EFCAB5: variants seen among roughly 807,000 people sequenced by gnomAD.
EFCAB5 encodes the protein EF-hand calcium-binding domain-containing protein 5.
Under a neutral mutation model 167.9 loss-of-function variants are expected in EFCAB5, and 131 were observed. That is an observed-to-expected ratio of 0.78 (90% CI 0.68 to 0.90). The LOEUF (loss-of-function observed/expected upper bound fraction) is 0.90, where lower values mean the gene tolerates loss of function less well. Ranked by LOEUF, EFCAB5 falls within the 40% of genes least tolerant of loss-of-function variation. The probability of loss-of-function intolerance (pLI) is 0.00; values close to 1 mark genes in which losing one functional copy is unlikely to be tolerated. For missense variants in EFCAB5, 1,663 were observed against 1,745.2 expected, an observed-to-expected ratio of 0.95 and a Z score of 0.84; for synonymous variants, 574 against 602.8, an observed-to-expected ratio of 0.95 and a Z score of 0.70.
intron 10 of EFCAB5, among the ~76,000 whole-genome samples, chr17:30,054,652 C>T (rs2070202231): frequency 6.6e-6 from 1 of 152,182 alleles, no homozygotes; most frequent in African/African-American, 2.4e-5. Flanking sequence ...AGTAGTTCCC[C>T]CTTATCCATG....
intron 3 of EFCAB5, among the ~76,000 whole-genome samples, chr17:29,945,219 G>A (rs972657169): frequency 9.9e-5 from 15 of 151,834 alleles, no homozygotes; most frequent in South Asian, 2.1e-4. Context: ...TTTAGTATAC[G>A]CTAGGCTGAG....
At chr17:30,082,746 GCCCTT>G (rs1293221100) in intron 17 of EFCAB5, 140 bp from the exon 18 acceptor site, 1 of 833,676 alleles carries the variant, frequency 1.2e-6, no homozygotes, top group African/African-American at 1.8e-5. Flanking sequence ...CTGGAACACT[GCCCTT>G]TGAGGACTGC....
Position 30,056,068 on chromosome 17 carries a change from A to AT in EFCAB5, c.2283dup (p.Thr762TyrfsTer3). 1 of 1,612,884 alleles carries AT rather than the reference A, an allele frequency of 6.2e-7. No homozygotes were observed. The highest frequency in any genetic ancestry group is 8.5e-7 in the Non-Finnish European group (1 of 1,179,306). On this transcript the variant is annotated frameshift_variant, in exon 12 of 23. Transcript: ENST00000394835. LOFTEE classifies it high-confidence loss of function. ...TTATGGAATGTGTTTTTACAGGTGA[A>AT]TTTTTTACTTGTAACTGGAAAATGA...
intron 7 of EFCAB5, among the ~76,000 whole-genome samples, chr17:30,016,176 A>G (rs2069037475): frequency 6.6e-6 from 1 of 152,016 alleles, no homozygotes; most frequent in South Asian, 2.1e-4. Context: ...GTTGTTTTTT[A>G]ACTTTCTTGA....
chr17:29,931,991 C>T (rs1229750094), intron 1 of EFCAB5, among the ~76,000 whole-genome samples: 1 of 152,132 alleles, frequency 6.6e-6, no homozygotes, highest in East Asian at 1.9e-4. Context: ...GACCTGGTTT[C>T]TAGTTCCAGC....
intron 14 of EFCAB5, among the ~76,000 whole-genome samples, chr17:30,068,100 T>TCCTGAA (rs1165128473): frequency 6.6e-5 from 10 of 152,096 alleles, no homozygotes; most frequent in Admixed American, 3.3e-4. Flanking sequence ...GTTCAGGAGA[T>TCCTGAA]CAAGACCATC....
upstream of EFCAB5, among the ~76,000 whole-genome samples, chr17:29,937,543 C>T (rs1034215321): frequency 6.6e-6 from 1 of 152,136 alleles, no homozygotes; most frequent in Non-Finnish European, 1.5e-5. Flanking sequence ...AATCCCCCAT[C>T]CTCCCAACCC....
intron 17 of EFCAB5, among the ~76,000 whole-genome samples, chr17:30,081,678 C>G (rs1165224660): frequency 2.6e-5 from 4 of 152,142 alleles, no homozygotes; most frequent in African/African-American, 9.7e-5. Context: ...CCCTGTAAGC[C>G]TTTGGCTCTT....
At chr17:29,935,294 C>T (rs1216577296) in intron 1 of EFCAB5, among the ~76,000 whole-genome samples, 1 of 152,156 alleles carries the variant, frequency 6.6e-6, no homozygotes, top group African/African-American at 2.4e-5. Flanking sequence ...TGTGGTGCCT[C>T]ATGCCTGTAA....
At chr17:30,042,266 C>T (rs1165459954) in intron 8 of EFCAB5, among the ~76,000 whole-genome samples, 1 of 152,190 alleles carries the variant, frequency 6.6e-6, no homozygotes, top group Non-Finnish European at 1.5e-5. Flanking sequence ...GCCTCAGCCT[C>T]CCAAAGTGCT....
rs754562789 is a variant in EFCAB5 at position 30,082,972 on chromosome 17, G to C, written c.3508G>C (p.Gly1170Arg). The change falls in exon 18 of 23, where the codon GGC becomes CGC. Residue 1170 changes from glycine (G) to arginine (R), a missense_variant. By Grantham distance (125) the Gly-to-Arg change is moderately radical. Transcript: ENST00000394835. ...HILHIVITGI[G>R]WLYDVTSSIT... Reference sequence around the variant, plus strand: ...TCTGCATATTGTGATCACTGGCATAGGCTGGCTTTATGACGTCACATCCAG... The same window carrying C: ...TCTGCATATTGTGATCACTGGCATACGCTGGCTTTATGACGTCACATCCAG... The C allele has an allele frequency of 6.2e-7, 1 of 1,613,998 alleles. No individual in the cohort carries two copies. The highest frequency in any genetic ancestry group is 8.5e-7 in the Non-Finnish European group (1 of 1,179,894).
intron 22 of EFCAB5, among the ~76,000 whole-genome samples, chr17:30,101,749 T>A (rs1384999903): frequency 1.3e-5 from 2 of 152,022 alleles, no homozygotes; most frequent in Admixed American, 6.6e-5. Flanking sequence ...GGAAATGGGG[T>A]CAAGGTTTTG....
upstream of EFCAB5, among the ~76,000 whole-genome samples, chr17:29,938,885 C>T (rs2067266822): frequency 6.6e-6 from 1 of 152,202 alleles, no homozygotes; most frequent in South Asian, 2.1e-4. Context: ...GAATCAACTT[C>T]TTCCAAACTC....
At chr17:30,068,585 C>T in intron 14 of EFCAB5, 1 of 1,112,566 alleles carries the variant, frequency 9.0e-7, no homozygotes, top group Non-Finnish European at 1.3e-6. Flanking sequence ...TCACCAGCTG[C>T]TGACATGGGC....
chr17:29,966,471 A>G (rs2067829493), intron 3 of EFCAB5, among the ~76,000 whole-genome samples: 1 of 152,094 alleles, frequency 6.6e-6, no homozygotes, highest in Non-Finnish European at 1.5e-5. Context: ...TCTTTATCAA[A>G]AAAGAAAAAA....
chr17:30,029,502 A>C (rs2151728376), intron 7 of EFCAB5, among the ~76,000 whole-genome samples: 1 of 152,320 alleles, frequency 6.6e-6, no homozygotes, highest in Middle Eastern at 3.4e-3. Context: ...ATAAAGTGGA[A>C]AAATTGTTAA....
chr17:29,987,771 C>A (rs1207835752), intron 4 of EFCAB5, among the ~76,000 whole-genome samples: 1 of 152,156 alleles, frequency 6.6e-6, no homozygotes, highest in African/African-American at 2.4e-5. Context: ...CTAGTATATA[C>A]TGGGGCATTG....
chr17:29,954,418 G>A (rs1278920269), intron 3 of EFCAB5, among the ~76,000 whole-genome samples: 4 of 152,156 alleles, frequency 2.6e-5, no homozygotes, highest in African/African-American at 9.7e-5. Flanking sequence ...GGCTAAAAGG[G>A]ACCAATGTAC....
intron 1 of EFCAB5, among the ~76,000 whole-genome samples, chr17:29,931,936 C>T (rs989081753): frequency 2.0e-5 from 3 of 152,094 alleles, no homozygotes; most frequent in Non-Finnish European, 4.4e-5. Context: ...AGGCTTAAGT[C>T]CATTAACCTT....
Sources: allele counts gnomAD v4.1 joint callset (sites outside exome capture counted in the v4.1 genomes callset), GRCh38; gene constraint gnomAD v4.1.1; transcripts MANE v1.5; gene names NCBI Gene and HGNC (gene_info 2026-07-23, HGNC 2026-07-21).